The following NUMB variants were observed in gnomAD, a reference collection of about 807,000 sequenced individuals.
NUMB encodes the protein protein numb homolog.
In NUMB, 29 loss-of-function variants were observed where a neutral mutation model predicts 59.7. The observed-to-expected ratio is 0.49, with a 90% confidence interval of 0.36 to 0.66. The LOEUF (loss-of-function observed/expected upper bound fraction) is 0.66. Among genes scored for constraint, NUMB ranks in the 30% least tolerant of loss-of-function variants. The probability of loss-of-function intolerance (pLI) is 0.00; values close to 1 mark genes in which losing one functional copy is unlikely to be tolerated. For missense variants in NUMB, 723 were observed against 822.0 expected (o/e 0.88, Z 1.47); for synonymous variants, 288 against 288.2 (o/e 1.00, Z 0.01).
rs746339701 is a variant in NUMB at position 73,279,386 on chromosome 14, G to A, written c.1135C>T (p.Pro379Ser). ...ACGGGTGCTAGAGCAGTATGGGCTG[G>A]CTTAGCAAGCACATGGAAGGCTGAG... The part of the protein sequence containing the change: ...TDSAFHVLAK[P>S]AHTALAPVAM... The change falls in exon 12 of 13, where the codon CCA becomes TCA. Residue 379 changes from proline to serine, a missense_variant. By Grantham distance (74) the Pro-to-Ser change is moderately conservative. Transcript: ENST00000555238. 6 of 1,603,786 alleles carry A rather than the reference G, an allele frequency of 3.7e-6. No homozygotes were observed. The East Asian group carries it at 1.3e-4, about 36-fold the overall frequency.
rs1472193332 is a variant in NUMB at position 73,277,120 on chromosome 14, G to T, written c.1414C>A (p.Pro472Thr). 2 of 1,614,118 alleles carry T rather than the reference G, an allele frequency of 1.2e-6. No homozygotes were observed. Among genetic ancestry groups the T allele is most frequent in the South Asian group, 2.2e-5 (2 of 91,086 alleles). Residue 472 changes from proline (P) to threonine (T), a missense_variant, in exon 13 of 13, where the codon CCC becomes ACC. By Grantham distance (38) the Pro-to-Thr change is conservative. Around this residue, in one of 2 missense-constraint regions of NUMB, gnomAD observed 406 missense variants for 385.4 expected, o/e 1.05. Transcript: ENST00000555238. ...GATGCTGGCTGGGAGATGGCAGTGG[G>T]TGGAGGAGGCTGGAGAACTGGCTGC... ...PLQPVLQPPP[P>T]TAISQPASPF...
rs1896053515 is a variant in NUMB at position 73,395,037 on chromosome 14, T to TGTGTG, written c.-101+14899_-101+14900insCACAC. On this transcript the variant is annotated intron_variant, in intron 2 of 12. Coordinates refer to ENST00000555238, the MANE Select transcript of NUMB (RefSeq NM_001005743.2). ...TTAAGGTTGAATAGTATTCGTGTGT[T>TGTGTG]TGTGTGTGTGTGTGTGTGTGTGTGT... 1.3e-3 allele frequency among the ~76,000 whole-genome samples: 155 copies of TGTGTG among 120,002 alleles called. 1 individual carries two copies. The highest frequency in any genetic ancestry group is 4.5e-3 in the Middle Eastern group (1 of 224). 78.7% of individuals were successfully genotyped at this position (120,002 alleles called of 152,430 possible). A position where few individuals can be genotyped will look rare whatever the true frequency, so the allele number is the denominator to read the frequency against.
At chr14:73,325,694 G>A (rs1891624645) in intron 4 of NUMB, among the ~76,000 whole-genome samples, 3 of 152,198 alleles carry the variant, frequency 2.0e-5, no homozygotes, top group Admixed American at 6.5e-5. Context: ...ACAGAAAGAT[G>A]TCTGGGAAAA....
intron 4 of NUMB, 39 bp from the exon 5 acceptor site, chr14:73,323,243 T>C (rs773649575): frequency 1.5e-6 from 2 of 1,373,832 alleles, no homozygotes; most frequent in Non-Finnish European, 2.1e-6. Flanking sequence ...TTGCTATGTT[T>C]ACCAAGTAGC....
chr14:73,334,162 C>T (rs1892157885), intron 4 of NUMB, among the ~76,000 whole-genome samples: 2 of 152,140 alleles, frequency 1.3e-5, no homozygotes, highest in Non-Finnish European at 2.9e-5. Flanking sequence ...GGCGATTCTC[C>T]TGCCTCAGCC....
At chr14:73,445,449 T>G (rs151001885) in intron 1 of NUMB, among the ~76,000 whole-genome samples, 1 of 142,992 alleles carries the variant, frequency 7.0e-6, no homozygotes, top group Non-Finnish European at 1.5e-5. Flanking sequence ...TTTCCAGAGA[T>G]GGACTAGACT....
At chr14:73,351,661 C>T (rs1216417909) in intron 4 of NUMB, among the ~76,000 whole-genome samples, 2 of 151,946 alleles carry the variant, frequency 1.3e-5, no homozygotes, top group East Asian at 3.9e-4. Flanking sequence ...ATACTTAATA[C>T]CGTTGAACTG....
intron 1 of NUMB, among the ~76,000 whole-genome samples, chr14:73,446,874 AT>A (rs1327660245): frequency 2.0e-5 from 3 of 152,030 alleles, no homozygotes; most frequent in Non-Finnish European, 4.4e-5. Flanking sequence ...CCCCAGTTCT[AT>A]TTTTAAATAA....
At chr14:73,312,069 C>T (rs1490116153) in intron 6 of NUMB, among the ~76,000 whole-genome samples, 1 of 152,034 alleles carries the variant, frequency 6.6e-6, no homozygotes, top group Non-Finnish European at 1.5e-5. Flanking sequence ...ATAAAATCAC[C>T]ATGACATAAA....
intron 11 of NUMB, among the ~76,000 whole-genome samples, chr14:73,280,715 T>TG: frequency 8.7e-6 from 1 of 115,386 alleles, no homozygotes; most frequent in Non-Finnish European, 1.7e-5. Context: ...TTTTTTGAGA[T>TG]GGGGTCTCGC....
At chr14:73,403,865 C>T (rs1238269725) in intron 2 of NUMB, among the ~76,000 whole-genome samples, 3 of 152,014 alleles carry the variant, frequency 2.0e-5, no homozygotes, top group African/African-American at 7.2e-5. Flanking sequence ...GAGGCCGAGG[C>T]GGGCGGATCA....
At chr14:73,385,577 C>A (rs1013572601) in intron 2 of NUMB, among the ~76,000 whole-genome samples, 2 of 142,340 alleles carry the variant, frequency 1.4e-5, no homozygotes. Flanking sequence ...TCTCAGCTCA[C>A]GGTAACCTCC....
chr14:73,428,041 T>G (rs1261634328), intron 1 of NUMB, among the ~76,000 whole-genome samples: 2 of 152,190 alleles, frequency 1.3e-5, no homozygotes, highest in African/African-American at 4.8e-5. Flanking sequence ...GAATCTCTCA[T>G]ATTTAGCCTT....
intron 2 of NUMB, among the ~76,000 whole-genome samples, chr14:73,401,405 C>CAA (rs112152192): frequency 1.5e-5 from 2 of 133,074 alleles, no homozygotes; most frequent in African/African-American, 2.7e-5. Flanking sequence ...CCAAAACTAA[C>CAA]AAAAAAAAAA....
At chr14:73,418,116 AT>A (rs1030096993) in intron 1 of NUMB, among the ~76,000 whole-genome samples, 4 of 152,018 alleles carry the variant, frequency 2.6e-5, no homozygotes, top group African/African-American at 9.7e-5. Flanking sequence ...AAAAAAAAAA[AT>A]GTAGTCTATA....
chr14:73,386,616 A>C (rs901411854), intron 2 of NUMB, among the ~76,000 whole-genome samples: 1 of 152,202 alleles, frequency 6.6e-6, no homozygotes, highest in African/African-American at 2.4e-5. Flanking sequence ...TCCTGATTGC[A>C]AGAAGAAAAT....
At chr14:73,296,751 C>T (rs1043256701) in intron 7 of NUMB, among the ~76,000 whole-genome samples, 4 of 152,050 alleles carry the variant, frequency 2.6e-5, no homozygotes, top group African/African-American at 9.7e-5. Flanking sequence ...TTAGGCCAGG[C>T]GTGGTGGCTC....
intron 1 of NUMB, among the ~76,000 whole-genome samples, chr14:73,430,561 G>C (rs1225704852): frequency 2.0e-5 from 3 of 152,078 alleles, no homozygotes; most frequent in Non-Finnish European, 4.4e-5. Context: ...TTGAGCCTAG[G>C]GGGTCGAGGC....
intron 2 of NUMB, among the ~76,000 whole-genome samples, chr14:73,377,634 T>TCAAA (rs201330302): frequency 1.1e-4 from 16 of 151,818 alleles, no homozygotes; most frequent in South Asian, 2.1e-4. Context: ...AGACTCCGTC[T>TCAAA]CAAACAAACA....
Sources: allele counts gnomAD v4.1 joint callset (sites outside exome capture counted in the v4.1 genomes callset), GRCh38; gene constraint gnomAD v4.1.1; regional missense constraint gnomAD v4.1.1; transcripts MANE v1.5; gene names NCBI Gene and HGNC (gene_info 2026-07-23, HGNC 2026-07-21).